Variants in CLSTN1 observed in about 807,000 individuals in gnomAD.
The protein encoded by CLSTN1 is calsyntenin 1.
In CLSTN1, 28 loss-of-function variants were observed where a neutral mutation model predicts 108.3. The ratio of observed to expected loss-of-function variants is 0.26; its 90% CI spans 0.19 to 0.35. The LOEUF is 0.35. CLSTN1 is among the 10% of genes least tolerant of loss of function. CLSTN1 has a pLI of 1.00. For synonymous variants in CLSTN1, 524 were observed against 534.9 expected, an observed-to-expected ratio of 0.98 and a Z score of 0.28; for missense variants, 1,157 against 1,302.6, an observed-to-expected ratio of 0.89 and a Z score of 1.72.
At chr1:9,741,383 C>G in intron 9 of CLSTN1, 127 bp from the exon 10 acceptor site, 1 of 894,114 alleles carries the variant, frequency 1.1e-6, no homozygotes, top group Non-Finnish European at 1.7e-6. Context: ...AATCTAACCA[C>G]AAAATATCTG....
intron 1 of CLSTN1, among the ~76,000 whole-genome samples, chr1:9,777,305 A>C (rs1557710446): frequency 6.6e-6 from 1 of 151,100 alleles, no homozygotes; most frequent in Non-Finnish European, 1.5e-5. Flanking sequence ...GGATCACTTG[A>C]AGTCAGGAGT....
chr1:9,804,351 G>C (rs1400071347), intron 1 of CLSTN1, among the ~76,000 whole-genome samples: 2 of 116,582 alleles, frequency 1.7e-5, no homozygotes, highest in Admixed American at 2.2e-4. Flanking sequence ...GACAGAGAGA[G>C]ACTCCATCTC....
chr1:9,736,484 G>A lies in CLSTN1; in HGVS notation c.1577-442C>T, dbSNP rs1557691211. ...GAACCCACACAAGCGAGGCAGGGAG[G>A]ATAAAAGGGAGGCTTAAAATACTCC... On this transcript the variant is annotated intron_variant, in intron 11 of 18. Coordinates refer to ENST00000377298, the MANE Select transcript of CLSTN1 (RefSeq NM_001009566.3). Among the ~76,000 whole-genome samples, 5 of 152,266 alleles carry A rather than the reference G, an allele frequency of 3.3e-5. No homozygotes were observed. In the South Asian group the frequency reaches 1.0e-3, roughly 32 times the overall value.
At chr1:9,804,492 T>C (rs888620334) in intron 1 of CLSTN1, among the ~76,000 whole-genome samples, 3 of 152,054 alleles carry the variant, frequency 2.0e-5, no homozygotes, top group African/African-American at 4.8e-5. Context: ...CTCTATGTTA[T>C]GGGCAATTCC....
chr1:9,746,484 G>A (rs1327576279), intron 7 of CLSTN1, among the ~76,000 whole-genome samples: 2 of 152,184 alleles, frequency 1.3e-5, no homozygotes, highest in East Asian at 1.9e-4. Context: ...GAGAGGCTGA[G>A]GCAGGCAGAT....
At chr1:9,750,195 T>C (rs1280412627) in intron 5 of CLSTN1, 4 of 264,174 alleles carry the variant, frequency 1.5e-5, no homozygotes, top group Admixed American at 1.5e-4. Flanking sequence ...TTTAACTGTT[T>C]ACATACATTC....
chr1:9,822,987 GGGTGAAAA>G (rs748402411), intron 1 of CLSTN1, among the ~76,000 whole-genome samples: 2 of 152,166 alleles, frequency 1.3e-5, no homozygotes, highest in African/African-American at 2.4e-5. Context: ...TTTCACCTTT[GGGTGAAAA>G]GGTGGGAGGG....
intron 1 of CLSTN1, among the ~76,000 whole-genome samples, chr1:9,780,096 C>G (rs1404811136): frequency 6.6e-6 from 1 of 151,786 alleles, no homozygotes; most frequent in Non-Finnish European, 1.5e-5. Context: ...CTCAGGTGAT[C>G]TGCCTGCATT....
At chr1:9,783,268 G>C (rs1392356792) in intron 1 of CLSTN1, among the ~76,000 whole-genome samples, 2 of 152,146 alleles carry the variant, frequency 1.3e-5, no homozygotes, top group Admixed American at 1.3e-4. Flanking sequence ...AAGTAAAGAA[G>C]ACTTTGTAAC....
At chr1:9,799,648 A>G (rs1055858044) in intron 1 of CLSTN1, among the ~76,000 whole-genome samples, 1 of 149,830 alleles carries the variant, frequency 6.7e-6, no homozygotes, top group Non-Finnish European at 1.5e-5. Context: ...CTCCCAAAAA[A>G]ACAAAAAAAA....
chr1:9,764,636 TTAAAA>T (rs1258160920), intron 2 of CLSTN1, among the ~76,000 whole-genome samples: 1 of 103,950 alleles, frequency 9.6e-6, no homozygotes, highest in East Asian at 2.6e-4. Context: ...GGCTCCATCT[TTAAAA>T]AAAAAAAAAA....
chr1:9,766,657 C>G (rs573111540), intron 2 of CLSTN1, among the ~76,000 whole-genome samples: 1 of 152,276 alleles, frequency 6.6e-6, no homozygotes, highest in African/African-American at 2.4e-5. Context: ...GAGACCCTGT[C>G]TCAAAAATAA....
chr1:9,759,642 T>G (rs1425152596), intron 2 of CLSTN1, among the ~76,000 whole-genome samples: 2 of 152,236 alleles, frequency 1.3e-5, no homozygotes, highest in Non-Finnish European at 2.9e-5. Flanking sequence ...TTGTTTAATG[T>G]ATGGTCTCTG....
chr1:9,794,774 A>G lies in CLSTN1; in HGVS notation c.92-21380T>C, dbSNP rs141205907. On this transcript the variant is annotated intron_variant, in intron 1 of 18. Coordinates refer to ENST00000377298, the MANE Select transcript of CLSTN1 (RefSeq NM_001009566.3). ...TGATCACATTTGTCTTGAATTAAAA[A>G]TAGGACAGGGCACCATCCTTAATCA... 2.0e-3 allele frequency among the ~76,000 whole-genome samples: 305 copies of G among 151,688 alleles called. 2 individuals are homozygous for G. Among genetic ancestry groups the G allele is most frequent in the South Asian group, 4.3e-3 (20 of 4,648 alleles).
intron 7 of CLSTN1, among the ~76,000 whole-genome samples, chr1:9,745,931 G>A (rs572147820): frequency 3.2e-4 from 49 of 151,966 alleles, no homozygotes; most frequent in African/African-American, 1.1e-3. Context: ...ACCATGCCCG[G>A]CTAATTTTTG....
intron 1 of CLSTN1, among the ~76,000 whole-genome samples, chr1:9,804,178 T>A (rs1272750686): frequency 6.6e-6 from 1 of 151,210 alleles, no homozygotes; most frequent in Non-Finnish European, 1.5e-5. Context: ...CTGGCCAACA[T>A]GGTGAAACCT....
chr1:9,814,500 T>C (rs1654893422), intron 1 of CLSTN1, among the ~76,000 whole-genome samples: 1 of 152,250 alleles, frequency 6.6e-6, no homozygotes, highest in Non-Finnish European at 1.5e-5. Flanking sequence ...GCATTTTATA[T>C]GTTTGAAGAT....
chr1:9,816,220 C>A (rs1029150805), intron 1 of CLSTN1, among the ~76,000 whole-genome samples: 1 of 152,040 alleles, frequency 6.6e-6, no homozygotes, highest in African/African-American at 2.4e-5. Flanking sequence ...CATGGATGAA[C>A]CTTGAAGACA....
At chr1:9,756,924 G>A (rs542178490) in intron 2 of CLSTN1, among the ~76,000 whole-genome samples, 80 of 151,928 alleles carry the variant, frequency 5.3e-4, no homozygotes, top group Admixed American at 1.2e-3. Flanking sequence ...GACTACAGGC[G>A]CCCGCCACCA....
Sources: allele counts gnomAD v4.1 joint callset (sites outside exome capture counted in the v4.1 genomes callset), GRCh38; gene constraint gnomAD v4.1.1; transcripts MANE v1.5; gene names NCBI Gene and HGNC (gene_info 2026-07-23, HGNC 2026-07-21).